Variants in ZSCAN9 observed in about 807,000 individuals in gnomAD.
ZSCAN9 encodes the protein zinc finger and SCAN domain-containing protein 9.
ZSCAN9 carries 19 observed loss-of-function variants against 23.0 expected under a neutral mutation model. The ratio of observed to expected loss-of-function variants is 0.83; its 90% confidence interval spans 0.58 to 1.21. The LOEUF (loss-of-function observed/expected upper bound fraction) is 1.21, where lower values mean the gene tolerates loss of function less well. ZSCAN9 is among the 50% of genes most tolerant of loss of function. The probability of loss-of-function intolerance (pLI) is 0.00; values close to 1 mark genes in which losing one functional copy is unlikely to be tolerated. For missense variants in ZSCAN9, 467 were observed against 471.5 expected, an observed-to-expected ratio of 0.99 and a Z score of 0.09; for synonymous variants, 155 against 164.8, an observed-to-expected ratio of 0.94 and a Z score of 0.46.
chr6:28,231,245 A>G lies in ZSCAN9; in HGVS notation c.569-1317A>G, dbSNP rs373318066. ...ACTTTTGCACTTTGGGGCCATTATT[A>G]AGTAAAATAAGGGGTATGTAAACAC... is the stretch of plus-strand genomic sequence containing the variant. On this transcript the variant is annotated intron_variant, in intron 3 of 3. Coordinates refer to ENST00000252207, the MANE Select transcript of ZSCAN9 (RefSeq NM_006299.5). Among the ~76,000 whole-genome samples, 296 of 152,338 alleles carry G rather than the reference A, an allele frequency of 1.9e-3. 1 individual carries two copies. Among genetic ancestry groups the G allele is most frequent in the African/African-American group, 5.4e-3 (224 of 41,572 alleles).
At position 28,227,476 on chromosome 6, in the gene ZSCAN9, A is replaced by G; in HGVS notation, c.392A>G (p.Glu131Gly). ...GCTGTGATTTTGCTGGAGGATCTGG[A>G]GAGAGAGCTCGATGAACCACAACAT... ...EEAVILLEDL[E>G]RELDEPQHEM... is the part of the protein sequence containing the mutation. The change falls in exon 2 of 4, where the codon GAG (glutamate) becomes GGG (glycine). Residue 131 changes from glutamate (E) to glycine (G), a missense_variant. Physicochemically the swap from Glu to Gly is moderately conservative, Grantham distance 98. Coordinates refer to ENST00000252207, the MANE Select transcript of ZSCAN9 (RefSeq NM_006299.5). 1 of 1,606,212 alleles carries G rather than the reference A, an allele frequency of 6.2e-7. No individual in the cohort carries two copies. The highest frequency in any genetic ancestry group is 8.5e-7 in the Non-Finnish European group (1 of 1,176,374).
chr6:28,232,091 G>T (rs1760317545), intron 3 of ZSCAN9, among the ~76,000 whole-genome samples: 1 of 152,174 alleles, frequency 6.6e-6, no homozygotes. Context: ...CAGCATTTTG[G>T]GAGGCCGAGG....
chr6:28,231,097 AT>A (rs1760289164), intron 3 of ZSCAN9, among the ~76,000 whole-genome samples: 1 of 152,168 alleles, frequency 6.6e-6, no homozygotes, highest in Non-Finnish European at 1.5e-5. Context: ...TGTATATACT[AT>A]TTTTTTCCTA....
At chr6:28,229,663 A>G (rs1760230378) in intron 3 of ZSCAN9, among the ~76,000 whole-genome samples, 1 of 152,198 alleles carries the variant, frequency 6.6e-6, no homozygotes. Flanking sequence ...AATATTTAAT[A>G]GGTAAGCTTG....
rs553157757 is a variant in ZSCAN9 at position 28,230,591 on chromosome 6, T to C, written c.569-1971T>C. The C allele has an allele frequency of 1.8e-5, 20 of 1,119,860 alleles. No individual in the cohort carries two copies. The East Asian group carries it at 5.0e-4, about 28-fold the overall frequency. The allele number at this position is 1,119,860 out of a possible 1,614,324, so 69.4% of individuals were successfully genotyped here. A position where few individuals can be genotyped will look rare whatever the true frequency, so the allele number is the denominator to read the frequency against. On this transcript the variant is annotated intron_variant, in intron 3 of 3. Transcript: ENST00000252207. ...CCTGGGTCTGTTGTCCTCGGCCTTTTTCTGGGTTGCAAAGTGAAATCAGAC... is the reference window on the plus strand; with the variant it reads ...CCTGGGTCTGTTGTCCTCGGCCTTTCTCTGGGTTGCAAAGTGAAATCAGAC...
chr6:28,231,651 G>A lies in ZSCAN9; in HGVS notation c.569-911G>A, dbSNP rs1043327853. On this transcript the variant is annotated intron_variant, in intron 3 of 3. Coordinates refer to ENST00000252207, the MANE Select transcript of ZSCAN9 (RefSeq NM_006299.5). ...TGCCTGTAGTCCCAGCTACTCGGGA[G>A]GCTGAGGCAGGAGAATCGCTTGAAT... Among the ~76,000 whole-genome samples the A allele has an allele frequency of 2.0e-5, 3 of 151,980 alleles. 1 individual carries two copies. The highest frequency in any genetic ancestry group is 2.0e-4 in the Admixed American group (3 of 15,270).
At chr6:28,228,251 A>G (rs1561846273) in intron 3 of ZSCAN9, 1 of 571,116 alleles carries the variant, frequency 1.8e-6, no homozygotes. Flanking sequence ...GGTTTAGTCT[A>G]CTTGCGCTGC....
At chr6:28,228,326 T>C (rs1406410901) in intron 3 of ZSCAN9, 1 of 424,082 alleles carries the variant, frequency 2.4e-6, no homozygotes, top group Non-Finnish European at 4.2e-6. Context: ...TTTCAAAGGC[T>C]AGTAGTCCAA....
rs748007591 is a variant in ZSCAN9 at position 28,232,919 on chromosome 6, G to T, written c.926G>T (p.Arg309Leu). The T allele has an allele frequency of 1.0e-4, 161 of 1,614,146 alleles. No homozygotes were observed. The highest frequency in any genetic ancestry group is 1.3e-4 in the Non-Finnish European group (157 of 1,180,028). ...NHRGIHNIQKRYHCKECGKVF... is the reference protein window; with the variant it reads ...NHRGIHNIQKLYHCKECGKVF... ...CGAGGAATCCACAATATACAGAAAC[G>T]GTACCACTGCAAGGAGTGTGGGAAG... Residue 309 changes from arginine (R) to leucine (L), a missense_variant, in exon 4 of 4, where the codon CGG (arginine) becomes CTG (leucine). Physicochemically the swap from Arg to Leu is moderately radical, Grantham distance 102. Coordinates refer to ENST00000252207, the MANE Select transcript of ZSCAN9 (RefSeq NM_006299.5).
At chr6:28,231,487 C>T (rs985436798) in intron 3 of ZSCAN9, among the ~76,000 whole-genome samples, 2 of 152,184 alleles carry the variant, frequency 1.3e-5, no homozygotes, top group Non-Finnish European at 2.9e-5. Context: ...TGGCTCACGC[C>T]TGTAATCCCA....
chr6:28,233,100 T>A lies in ZSCAN9; in HGVS notation c.1107T>A (p.Ile369=), dbSNP rs1275692780. 1 of 1,614,024 alleles carries A rather than the reference T, an allele frequency of 6.2e-7. No homozygotes were observed. ...CAGGGGAGCGACCTCACCAGTGCAT[T>A]GAATGTGGGAAAAGCTTTAATCGAC... ...SHTGERPHQC[I]ECGKSFNRHC... Residue 369 remains isoleucine (I), a synonymous_variant, in exon 4 of 4, where the codon ATT becomes ATA. Transcript: ENST00000252207.
In ZSCAN9 at chr6:28,227,272, C is replaced by T; in HGVS notation, c.188C>T (p.Thr63Ile). 6.2e-7 allele frequency: 1 copy of T among 1,614,206 alleles called. No individual in the cohort carries two copies. The highest frequency in any genetic ancestry group is 8.5e-7 in the Non-Finnish European group (1 of 1,180,018). Residue 63 changes from threonine to isoleucine, a missense_variant, in exon 2 of 4, where the codon ACC (threonine) becomes ATC (isoleucine). Physicochemically the swap from Thr to Ile is moderately conservative, Grantham distance 89. Coordinates refer to ENST00000252207, the MANE Select transcript of ZSCAN9 (RefSeq NM_006299.5). ...TTTCGACAGCTGTGCTACCAAGAGA[C>T]CCCTGGACCAAGGGAGGCTCTTACT... ...RHFRQLCYQE[T>I]PGPREALTRL...
rs1339828519 is a variant in ZSCAN9 at position 28,227,075 on chromosome 6, C to G, written c.-10C>G. On this transcript the variant is annotated 5_prime_UTR_variant, in exon 2 of 4. Transcript: ENST00000252207. ...GCTGGAGGGTACCTTTTAAGCTGTT[C>G]AAGGTCAAGATGAATACAAACTCAA... is the stretch of plus-strand genomic sequence containing the variant. 1 of 1,609,982 alleles carries G rather than the reference C, an allele frequency of 6.2e-7. No individual in the cohort carries two copies. Among genetic ancestry groups the G allele is most frequent in the South Asian group, 1.1e-5 (1 of 90,232 alleles).
At chr6:28,228,159 T>C (rs1181036924) in intron 3 of ZSCAN9, 8 of 649,558 alleles carry the variant, frequency 1.2e-5, no homozygotes, top group African/African-American at 1.8e-5. Flanking sequence ...CATCGCCTCA[T>C]GGAAGCTGCT....
intron 3 of ZSCAN9, chr6:28,230,533 G>A: frequency 6.6e-7 from 1 of 1,515,998 alleles, no homozygotes; most frequent in Non-Finnish European, 8.8e-7. Context: ...AGATATGGGA[G>A]AAAGAGGCAA....
intron 2 of ZSCAN9, 77 bp downstream of exon 2, chr6:28,227,581 C>T (rs1760157709): frequency 8.9e-6 from 14 of 1,566,424 alleles, no homozygotes; most frequent in Middle Eastern, 1.7e-4. Context: ...CTTTGTGTCT[C>T]CTTGACATTG....
Position 28,233,334 on chromosome 6 carries a change from T to C in ZSCAN9, c.*156T>C, listed in dbSNP as rs1477885285. 7.6e-7 allele frequency: 1 copy of C among 1,321,450 alleles called. No individual in the cohort carries two copies. Among genetic ancestry groups the C allele is most frequent in the Non-Finnish European group, 1.0e-6 (1 of 996,356 alleles). 81.9% of individuals were successfully genotyped at this position (1,321,450 alleles called of 1,614,324 possible). A position where few individuals can be genotyped will look rare whatever the true frequency, so the allele number is the denominator to read the frequency against. On this transcript the variant is annotated 3_prime_UTR_variant, in exon 4 of 4. Transcript: ENST00000252207. ...CTTCCTTAAAGGAAAGTTGGGTGTT[T>C]GAAGCTACTGTTTTCTCTTTTGTTC...
At chr6:28,231,333 C>T (rs141451879) in intron 3 of ZSCAN9, among the ~76,000 whole-genome samples, 105 of 152,304 alleles carry the variant, frequency 6.9e-4, no homozygotes, top group Middle Eastern at 3.4e-3. Context: ...GTGCAACAGG[C>T]AGGCAGCATG....
intron 1 of ZSCAN9, 160 bp from the exon 2 acceptor site, chr6:28,226,852 G>T (rs753329323): frequency 3.8e-5 from 15 of 399,092 alleles, no homozygotes; most frequent in Non-Finnish European, 4.9e-5. Context: ...TATGCTCTTA[G>T]CACATTATGA....
Sources: allele counts gnomAD v4.1 joint callset (sites outside exome capture counted in the v4.1 genomes callset), GRCh38; gene constraint gnomAD v4.1.1; transcripts MANE v1.5; gene names NCBI Gene and HGNC (gene_info 2026-07-23, HGNC 2026-07-21).